RBFOX1: variants seen among roughly 807,000 people sequenced by gnomAD.
RBFOX1 encodes RNA binding protein fox-1 homolog 1.
RBFOX1 carries 8 observed loss-of-function variants against 57.7 expected under a neutral mutation model. The ratio of observed to expected loss-of-function variants is 0.14; its 90% CI spans 0.08 to 0.25. RBFOX1 has a LOEUF of 0.25. Among genes scored for constraint, RBFOX1 ranks in the 10% least tolerant of loss-of-function variants. The probability of loss-of-function intolerance (pLI) is 1.00; values close to 1 mark genes in which losing one functional copy is unlikely to be tolerated. For synonymous variants in RBFOX1, 326 were observed against 222.4 expected (o/e 1.47, Z -4.15); for missense variants, 611 against 548.5 (o/e 1.11, Z -1.14).
chr16:5,669,171 G>A (rs907200125), intron 3 of RBFOX1, among the ~76,000 whole-genome samples: 19 of 152,040 alleles, frequency 1.2e-4, no homozygotes, highest in African/African-American at 3.6e-4. Flanking sequence ...TAAGTGTGAC[G>A]GAATCTGGAT....
chr16:5,595,397 G>T (rs952094008), intron 2 of RBFOX1, among the ~76,000 whole-genome samples: 1 of 152,246 alleles, frequency 6.6e-6, no homozygotes, highest in East Asian at 1.9e-4. Context: ...AAACTGAGGC[G>T]CAAGAGGGCA....
At chr16:5,522,799 T>C (rs977361373) in intron 2 of RBFOX1, among the ~76,000 whole-genome samples, 1 of 152,222 alleles carries the variant, frequency 6.6e-6, no homozygotes, top group Non-Finnish European at 1.5e-5. Context: ...CACGTTTGTC[T>C]TTCTGTGCCT....
At chr16:5,813,383 A>G (rs1026449390) in intron 3 of RBFOX1, among the ~76,000 whole-genome samples, 1 of 152,182 alleles carries the variant, frequency 6.6e-6, no homozygotes, top group Non-Finnish European at 1.5e-5. Context: ...CGTACCCATT[A>G]AGCATTCATA....
chr16:6,519,606 C>A (rs2096460671), intron 2 of RBFOX1, among the ~76,000 whole-genome samples: 1 of 152,094 alleles, frequency 6.6e-6, no homozygotes, highest in Non-Finnish European at 1.5e-5. Flanking sequence ...GAGGCTGAGG[C>A]CAGAGAATTG....
At chr16:6,565,753 T>C (rs1012581471) in intron 2 of RBFOX1, among the ~76,000 whole-genome samples, 1 of 152,192 alleles carries the variant, frequency 6.6e-6, no homozygotes, top group Non-Finnish European at 1.5e-5. Context: ...CAGGTGTGAG[T>C]CACTGCACCC....
At chr16:7,542,202 G>C (rs1203654334) in intron 5 of RBFOX1, among the ~76,000 whole-genome samples, 1 of 152,190 alleles carries the variant, frequency 6.6e-6, no homozygotes, top group African/African-American at 2.4e-5. Flanking sequence ...GGGCCAGAGA[G>C]ATATACACAG....
intron 3 of RBFOX1, chr16:6,873,788 G>T (rs1231757221): frequency 5.3e-5 from 8 of 152,228 alleles, no homozygotes; most frequent in Non-Finnish European, 2.9e-5. Context: ...CAGCAACTCT[G>T]TGATCTTTAT....
intron 2 of RBFOX1, among the ~76,000 whole-genome samples, chr16:6,584,001 T>TTAA (rs2097571789): frequency 6.8e-6 from 1 of 146,036 alleles, no homozygotes; most frequent in Non-Finnish European, 1.5e-5. Flanking sequence ...CAACAACATT[T>TTAA]AAAAAAAAAA....
At chr16:5,432,225 G>T (rs989193569) in intron 1 of RBFOX1, among the ~76,000 whole-genome samples, 3 of 152,140 alleles carry the variant, frequency 2.0e-5, no homozygotes, top group African/African-American at 4.8e-5. Context: ...CTGAAAGCAT[G>T]GGACAGAATC....
At chr16:5,604,186 A>T (rs1265268778), downstream of RBFOX1, among the ~76,000 whole-genome samples, 1 of 152,174 alleles carries the variant, frequency 6.6e-6, no homozygotes, top group African/African-American at 2.4e-5. Context: ...TTTTTCTGTA[A>T]TAAGAATACA....
intron 4 of RBFOX1, among the ~76,000 whole-genome samples, chr16:7,372,934 G>A (rs1485268370): frequency 7.9e-6 from 1 of 126,576 alleles, no homozygotes; most frequent in Non-Finnish European, 1.7e-5. Flanking sequence ...CATAGAAATT[G>A]CATTTTTTTT....
chr16:6,965,384 C>T (rs144638007), intron 3 of RBFOX1, among the ~76,000 whole-genome samples: 48 of 148,924 alleles, frequency 3.2e-4, no homozygotes, highest in African/African-American at 1.2e-3. Context: ...GGTCTGTTTC[C>T]CAGGCTGTAG....
chr16:6,654,228 T>C (rs932388572), intron 2 of RBFOX1, among the ~76,000 whole-genome samples: 4 of 152,178 alleles, frequency 2.6e-5, no homozygotes, highest in Admixed American at 1.3e-4. Flanking sequence ...GTGAGACATA[T>C]CTGACTATCC....
chr16:5,918,198 C>A (rs1404354731), intron 4 of RBFOX1, among the ~76,000 whole-genome samples: 1 of 152,192 alleles, frequency 6.6e-6, no homozygotes, highest in East Asian at 1.9e-4. Flanking sequence ...CAGGTCACTG[C>A]AACCTCTGCC....
At chr16:6,821,101 A>G (rs977642981) in intron 3 of RBFOX1, among the ~76,000 whole-genome samples, 3 of 152,224 alleles carry the variant, frequency 2.0e-5, no homozygotes, top group Admixed American at 6.5e-5. Flanking sequence ...GTATCAAGCC[A>G]CTACACCATT....
At chr16:7,264,076 C>G (rs2095035872) in intron 4 of RBFOX1, among the ~76,000 whole-genome samples, 1 of 152,068 alleles carries the variant, frequency 6.6e-6, no homozygotes, top group African/African-American at 2.4e-5. Context: ...GTCATTGTTA[C>G]CCTGTTTCTT....
chr16:6,696,659 C>T (rs971705115), intron 3 of RBFOX1, among the ~76,000 whole-genome samples: 14 of 151,568 alleles, frequency 9.2e-5, no homozygotes, highest in Admixed American at 2.6e-4. Context: ...GTACAGTCTC[C>T]TTCAGATATG....
chr16:6,114,039 T>TC (rs2096473242), intron 1 of RBFOX1, among the ~76,000 whole-genome samples: 1 of 85,974 alleles, frequency 1.2e-5, no homozygotes, highest in Non-Finnish European at 2.0e-5. Context: ...TGGGGAGAAA[T>TC]TATTTACCGT....
chr16:6,075,985 G>A (rs975673485), intron 1 of RBFOX1, among the ~76,000 whole-genome samples: 1 of 152,132 alleles, frequency 6.6e-6, no homozygotes, highest in African/African-American at 2.4e-5. Context: ...CTTATCTTCT[G>A]TAAAGAAAAT....
Sources: allele counts gnomAD v4.1 joint callset (sites outside exome capture counted in the v4.1 genomes callset), GRCh38; gene constraint gnomAD v4.1.1; transcripts MANE v1.5; gene names NCBI Gene and HGNC (gene_info 2026-07-23, HGNC 2026-07-21).